Variants in TMEM45B observed in about 807,000 individuals in gnomAD.
TMEM45B encodes the protein transmembrane protein 45B.
A neutral mutation model predicts 27.3 loss-of-function variants in TMEM45B; 29 were observed. The ratio of observed to expected loss-of-function variants is 1.06; its 90% confidence interval spans 0.79 to 1.45. The LOEUF is 1.45. TMEM45B is among the 40% of genes most tolerant of loss of function. The probability of loss-of-function intolerance (pLI) is 0.00; values close to 1 mark genes in which losing one functional copy is unlikely to be tolerated. For synonymous variants in TMEM45B, 143 were observed against 134.7 expected, an observed-to-expected ratio of 1.06 and a Z score of -0.43; for missense variants, 348 against 343.9, an observed-to-expected ratio of 1.01 and a Z score of -0.09.
At chr11:129,825,262 C>A (rs1808409895) in intron 1 of TMEM45B, among the ~76,000 whole-genome samples, 1 of 152,022 alleles carries the variant, frequency 6.6e-6, no homozygotes, top group Admixed American at 6.6e-5. Context: ...GCGAATTTAG[C>A]AGAATTTTGA....
At chr11:129,817,116 C>G (rs1370405625) in intron 1 of TMEM45B, among the ~76,000 whole-genome samples, 1 of 152,130 alleles carries the variant, frequency 6.6e-6, no homozygotes, top group Non-Finnish European at 1.5e-5. Context: ...TCCTCCTGCA[C>G]CTTTTTGTCT....
At chr11:129,823,427 C>T (rs367954059) in intron 1 of TMEM45B, among the ~76,000 whole-genome samples, 1 of 152,138 alleles carries the variant, frequency 6.6e-6, no homozygotes. Flanking sequence ...CCTTCTTAGG[C>T]GACTTCAACA....
At chr11:129,827,012 T>G (rs1049681692) in intron 1 of TMEM45B, 1 of 152,220 alleles carries the variant, frequency 6.6e-6, no homozygotes, top group Non-Finnish European at 1.5e-5. Flanking sequence ...TATTTTTCAT[T>G]CTCGAATTCA....
At chr11:129,856,002 C>T (rs1014086572) in intron 4 of TMEM45B, 110 bp downstream of exon 4, 2 of 1,311,664 alleles carry the variant, frequency 1.5e-6, no homozygotes, top group Non-Finnish European at 2.1e-6. Context: ...GCAGCATTAA[C>T]ATGCCATGCA....
chr11:129,856,573 TTTC>T (rs55830073), intron 4 of TMEM45B, among the ~76,000 whole-genome samples: 1,977 of 98,696 alleles, frequency 0.02, 42 homozygotes, highest in African/African-American at 0.047. Context: ...TTTTTTTTTT[TTTC>T]TGAGACAGAG....
intron 1 of TMEM45B, among the ~76,000 whole-genome samples, chr11:129,832,761 T>C (rs541017500): frequency 6.6e-6 from 1 of 152,252 alleles, no homozygotes; most frequent in Admixed American, 6.5e-5. Context: ...GGTTTCTTTT[T>C]AAGTAGAAGA....
chr11:129,857,298 T>C lies in TMEM45B; in HGVS notation c.571-15T>C. ...CGACCAACCACAAGACCAACTTCTCTCTGTAATCCCCTAGATTGGGTTTGT... is the reference window on the plus strand; with the variant it reads ...CGACCAACCACAAGACCAACTTCTCCCTGTAATCCCCTAGATTGGGTTTGT... On this transcript the variant is annotated splice_polypyrimidine_tract_variant and intron_variant, in intron 4 of 5. Coordinates refer to ENST00000281441, the MANE Select transcript of TMEM45B (RefSeq NM_138788.5). The C allele has an allele frequency of 6.2e-7, 1 of 1,612,002 alleles. No individual in the cohort carries two copies.
In TMEM45B at chr11:129,857,322, G is replaced by GTGC. The variant is rs1565375565; in HGVS notation, c.583_585dup (p.Leu195dup). 6.2e-7 allele frequency: 1 copy of GTGC among 1,614,200 alleles called. No individual in the cohort carries two copies. On this transcript the variant is annotated inframe_insertion, in exon 5 of 6. Transcript: ENST00000281441. ...CTCTGTAATCCCCTAGATTGGGTTT[G>GTGC]TGCTGTTCCCACCTTTTGGAACACC...
chr11:129,840,946 TAAAAAAAAAAAAAA>T (rs55905045), intron 1 of TMEM45B, among the ~76,000 whole-genome samples: 1 of 29,260 alleles, frequency 3.4e-5, no homozygotes, highest in African/African-American at 1.1e-4. Context: ...TTTCTTTCTG[TAAAAAAAAAAAAAA>T]AAAAAAAAAA....
Position 129,854,785 on chromosome 11 carries a change from A to G in TMEM45B, c.354A>G (p.Arg118=). ...GCCACGTTCCCTTGGGGGTGGACAG[A>G]CTGGTTATGGCTGTGGCAGTATTCA... ...LVSHVPLGVD[R]LVMAVAVFME... is the part of the protein sequence containing the mutation. Residue 118 remains arginine (R), a synonymous_variant, in exon 3 of 6, where the codon AGA becomes AGG. Transcript: ENST00000281441. 6 of 1,614,096 alleles carry G rather than the reference A, an allele frequency of 3.7e-6. No homozygotes were observed. Among genetic ancestry groups the G allele is most frequent in the Non-Finnish European group, 5.1e-6 (6 of 1,180,034 alleles).
intron 1 of TMEM45B, among the ~76,000 whole-genome samples, chr11:129,851,380 C>T (rs949842934): frequency 6.6e-6 from 1 of 150,922 alleles, no homozygotes; most frequent in Admixed American, 6.6e-5. Context: ...CCCGTCTCTA[C>T]TAAAAATATA....
Position 129,844,433 on chromosome 11 carries a change from C to T in TMEM45B, c.-8-8042C>T, listed in dbSNP as rs979114002. Among the ~76,000 whole-genome samples the T allele has an allele frequency of 2.6e-5, 4 of 152,136 alleles. No homozygotes were observed. The South Asian group carries it at 6.2e-4, about 24-fold the overall frequency. On this transcript the variant is annotated intron_variant, in intron 1 of 5. Transcript: ENST00000281441. ...AGGCACAGTGGCTTATGTCTGTAAT[C>T]GCAGCACCTTGGGAGTTTGAGGCGA...
chr11:129,851,560 T>TAAAAAAAAAAAAAAAAAAAAAAAAAAAA (rs1555073025), intron 1 of TMEM45B, among the ~76,000 whole-genome samples: 11 of 88,878 alleles, frequency 1.2e-4, no homozygotes, highest in Non-Finnish European at 2.2e-4. Flanking sequence ...AAAAAAAAAG[T>TAAAAAAAAAAAAAAAAAAAAAAAAAAAA]CCCCTTCTCT....
chr11:129,832,065 C>CAAAAAA (rs57336005), intron 1 of TMEM45B, among the ~76,000 whole-genome samples: 9 of 58,600 alleles, frequency 1.5e-4, no homozygotes, highest in Admixed American at 2.9e-4. Context: ...GATTCCATCT[C>CAAAAAA]AAAAAAAAAA....
intron 1 of TMEM45B, among the ~76,000 whole-genome samples, chr11:129,837,244 G>A (rs1947631495): frequency 6.6e-6 from 1 of 151,928 alleles, no homozygotes; most frequent in East Asian, 1.9e-4. Context: ...TGTAGATAGG[G>A]CTGGGGAAGG....
chr11:129,859,345 G>A lies in TMEM45B; in HGVS notation c.*660G>A, dbSNP rs1273628025. ...TGGTTACTGGCTCTACTGAGAGTTG[G>A]AGCCCTGATGTTCTGATTCTTCAAA... On this transcript the variant is annotated 3_prime_UTR_variant, in exon 6 of 6. Coordinates refer to ENST00000281441, the MANE Select transcript of TMEM45B (RefSeq NM_138788.5). 6.6e-6 allele frequency: 1 copy of A among 152,074 alleles called. No individual in the cohort carries two copies. The highest frequency in any genetic ancestry group is 1.5e-5 in the Non-Finnish European group (1 of 68,018). The allele number at this position is 152,074 out of a possible 1,614,324, so 9.4% of individuals were successfully genotyped here. A position where few individuals can be genotyped will look rare whatever the true frequency, so the allele number is the denominator to read the frequency against.
chr11:129,850,148 C>CTTT (rs1947825772), intron 1 of TMEM45B, among the ~76,000 whole-genome samples: 1 of 121,072 alleles, frequency 8.3e-6, no homozygotes, highest in African/African-American at 3.3e-5. Context: ...TCTTTTCTCA[C>CTTT]GTTTTTTTTT....
chr11:129,831,875 G>A (rs1303350275), intron 1 of TMEM45B, among the ~76,000 whole-genome samples: 7 of 151,046 alleles, frequency 4.6e-5, no homozygotes, highest in Non-Finnish European at 1.0e-4. Flanking sequence ...AGATCAGCCT[G>A]GCCAATATGG....
At chr11:129,849,230 G>A (rs773160135) in intron 1 of TMEM45B, among the ~76,000 whole-genome samples, 24 of 152,236 alleles carry the variant, frequency 1.6e-4, no homozygotes, top group Admixed American at 6.5e-4. Context: ...CTGTGAGCCT[G>A]TGAATTCAAA....
Sources: allele counts gnomAD v4.1 joint callset (sites outside exome capture counted in the v4.1 genomes callset), GRCh38; gene constraint gnomAD v4.1.1; transcripts MANE v1.5; gene names NCBI Gene and HGNC (gene_info 2026-07-23, HGNC 2026-07-21).